The following ZMAT4 variants were observed in gnomAD, a reference collection of about 807,000 sequenced individuals.
ZMAT4 encodes the protein zinc finger matrin-type protein 4.
A neutral mutation model predicts 28.7 loss-of-function variants in ZMAT4; 17 were observed. The observed-to-expected ratio is 0.59, with a 90% CI of 0.41 to 0.89. ZMAT4 has a LOEUF of 0.89. Ranked by LOEUF, ZMAT4 falls within the 40% of genes least tolerant of loss-of-function variation. The pLI is 0.00. For missense variants in ZMAT4, 240 were observed against 283.8 expected (o/e 0.85, Z 1.11); for synonymous variants, 117 against 109.2 (o/e 1.07, Z -0.44).
In ZMAT4 at chr8:40,777,882, C is replaced by T. The variant is rs1022415599; in HGVS notation, c.103-10152G>A. ...GTATAACATTTTTATATTAGATTATCTTTTTACCCTATTACTTTATACTTT... is the reference window on the plus strand; with the variant it reads ...GTATAACATTTTTATATTAGATTATTTTTTTACCCTATTACTTTATACTTT... On this transcript the variant is annotated intron_variant, in intron 2 of 6. Coordinates refer to ENST00000297737, the MANE Select transcript of ZMAT4 (RefSeq NM_024645.3). 2.0e-5 allele frequency among the ~76,000 whole-genome samples: 3 copies of T among 152,300 alleles called. No individual in the cohort carries two copies. In the East Asian group the frequency reaches 5.8e-4, roughly 29 times the overall value.
intron 6 of ZMAT4, among the ~76,000 whole-genome samples, chr8:40,571,462 G>A (rs1804095714): frequency 6.6e-6 from 1 of 152,134 alleles, no homozygotes; most frequent in Admixed American, 6.5e-5. Context: ...CTTCCTCATA[G>A]AATGGAGGGC....
intron 5 of ZMAT4, among the ~76,000 whole-genome samples, chr8:40,670,736 A>C (rs1005883784): frequency 6.6e-6 from 1 of 152,148 alleles, no homozygotes; most frequent in East Asian, 1.9e-4. Flanking sequence ...CAGACACTTC[A>C]CAAAGGAAGA....
chr8:40,610,237 T>C (rs572859625), intron 5 of ZMAT4, among the ~76,000 whole-genome samples: 36 of 152,354 alleles, frequency 2.4e-4, no homozygotes, highest in African/African-American at 8.4e-4. Flanking sequence ...AAATCATTTG[T>C]AGAGACACCC....
At chr8:40,565,261 C>T (rs543875554) in intron 6 of ZMAT4, among the ~76,000 whole-genome samples, 2 of 152,118 alleles carry the variant, frequency 1.3e-5, no homozygotes, top group East Asian at 3.9e-4. Flanking sequence ...AGAGAATGCC[C>T]AGAAAATATG....
intron 4 of ZMAT4, among the ~76,000 whole-genome samples, chr8:40,692,855 A>G (rs1809715764): frequency 1.3e-5 from 2 of 152,148 alleles, no homozygotes. Context: ...AGGATTTTGA[A>G]TGAGATCTTG....
intron 1 of ZMAT4, among the ~76,000 whole-genome samples, chr8:40,878,241 A>T (rs1413108132): frequency 6.6e-6 from 1 of 152,214 alleles, no homozygotes; most frequent in East Asian, 1.9e-4. Flanking sequence ...CAGAAGGGGC[A>T]AAGTTAGGGC....
intron 5 of ZMAT4, among the ~76,000 whole-genome samples, chr8:40,639,842 A>G (rs1806943475): frequency 6.6e-6 from 1 of 152,120 alleles, no homozygotes; most frequent in Admixed American, 6.5e-5. Flanking sequence ...TATACAGTGG[A>G]AAGATCTAGG....
At chr8:40,657,294 C>T (rs1807970485) in intron 5 of ZMAT4, among the ~76,000 whole-genome samples, 1 of 152,148 alleles carries the variant, frequency 6.6e-6, no homozygotes, top group Non-Finnish European at 1.5e-5. Flanking sequence ...TTTTGAAGAT[C>T]TGATTTTTCT....
chr8:40,680,775 C>T (rs1809129652), intron 4 of ZMAT4, among the ~76,000 whole-genome samples: 2 of 151,948 alleles, frequency 1.3e-5, no homozygotes, highest in South Asian at 2.1e-4. Flanking sequence ...AAGCTCCCTC[C>T]CCAAGCCCCT....
intron 2 of ZMAT4, among the ~76,000 whole-genome samples, chr8:40,788,148 A>G (rs1814161917): frequency 6.6e-6 from 1 of 152,218 alleles, no homozygotes; most frequent in African/African-American, 2.4e-5. Flanking sequence ...AATCATGAAT[A>G]TCAGGAATGA....
At position 40,761,661 on chromosome 8, in the gene ZMAT4, C is replaced by T. The variant is rs192197255; in HGVS notation, c.192+5980G>A. Among the ~76,000 whole-genome samples, 4 of 152,270 alleles carry T rather than the reference C, an allele frequency of 2.6e-5. No homozygotes were observed. In the East Asian group the frequency reaches 7.7e-4, roughly 29 times the overall value. ...TCCATATTTCATTTTTTTCTGTGTC[C>T]TTTACAGCATGCGGCTCTGTACTCT... is the stretch of plus-strand genomic sequence containing the variant. On this transcript the variant is annotated intron_variant, in intron 3 of 6. Transcript: ENST00000297737.
intron 6 of ZMAT4, among the ~76,000 whole-genome samples, chr8:40,556,398 T>A (rs977087327): frequency 2.0e-5 from 3 of 152,212 alleles, no homozygotes; most frequent in African/African-American, 7.2e-5. Flanking sequence ...ATTGGAGTGA[T>A]ACCTCCATCA....
intron 3 of ZMAT4, among the ~76,000 whole-genome samples, chr8:40,713,348 A>G (rs1810704666): frequency 6.6e-6 from 1 of 152,150 alleles, no homozygotes. Flanking sequence ...CATTGAAAAC[A>G]GTTCAAAACA....
chr8:40,793,122 G>A (rs1814433694), intron 2 of ZMAT4, among the ~76,000 whole-genome samples: 4 of 152,092 alleles, frequency 2.6e-5, no homozygotes, highest in Admixed American at 1.3e-4. Flanking sequence ...TGTCCATGTG[G>A]GCTCATTAAT....
chr8:40,568,122 A>G (rs1016178076), intron 6 of ZMAT4, among the ~76,000 whole-genome samples: 2 of 152,160 alleles, frequency 1.3e-5, no homozygotes, highest in Admixed American at 6.5e-5. Flanking sequence ...TATTTTATTT[A>G]TTGTCAAGGT....
Position 40,897,491 on chromosome 8 carries a change from A to G in ZMAT4, c.-5+192T>C, listed in dbSNP as rs1818917716. 2.0e-5 allele frequency among the ~76,000 whole-genome samples: 3 copies of G among 152,156 alleles called. No homozygotes were observed. The South Asian group carries it at 6.2e-4, about 32-fold the overall frequency. ...CTAATTAGGAGTAGTAAACAAGCCC[A>G]TTTCTTGCCAGCGCAGAAGTTTCCC... On this transcript the variant is annotated intron_variant, in intron 1 of 6. Transcript: ENST00000297737.
chr8:40,775,331 A>G (rs184794073), intron 2 of ZMAT4, among the ~76,000 whole-genome samples: 81 of 152,380 alleles, frequency 5.3e-4, no homozygotes, highest in Admixed American at 2.4e-3. Flanking sequence ...CCATGGCTGC[A>G]GTACAGGTCA....
intron 5 of ZMAT4, among the ~76,000 whole-genome samples, chr8:40,631,421 G>A (rs977745894): frequency 3.3e-5 from 5 of 152,278 alleles, no homozygotes; most frequent in Middle Eastern, 3.4e-3. Context: ...GCCTCCCAAG[G>A]TGCTGGGATT....
At chr8:40,818,147 T>C (rs976124451) in intron 2 of ZMAT4, among the ~76,000 whole-genome samples, 1 of 152,234 alleles carries the variant, frequency 6.6e-6, no homozygotes, top group Non-Finnish European at 1.5e-5. Context: ...TTCAGCCTAT[T>C]GTCTACTTCG....
Sources: allele counts gnomAD v4.1 joint callset (sites outside exome capture counted in the v4.1 genomes callset), GRCh38; gene constraint gnomAD v4.1.1; transcripts MANE v1.5; gene names NCBI Gene and HGNC (gene_info 2026-07-23, HGNC 2026-07-21).